Variants in MYO10 observed in about 807,000 individuals in gnomAD.
MYO10 encodes unconventional myosin-X.
A neutral mutation model predicts 257.3 loss-of-function variants in MYO10; 133 were observed. The ratio of observed to expected loss-of-function variants is 0.52; its 90% CI spans 0.45 to 0.60. MYO10 has a LOEUF of 0.60. Among genes scored for constraint, MYO10 ranks in the 20% least tolerant of loss-of-function variants. The pLI is 0.00. For missense variants in MYO10, 2,399 were observed against 2,635.7 expected (o/e 0.91, Z 1.97); for synonymous variants, 1,104 against 1,028.6 (o/e 1.07, Z -1.40).
intron 19 of MYO10, among the ~76,000 whole-genome samples, chr5:16,712,559 C>T (rs1738670286): frequency 6.6e-6 from 1 of 152,192 alleles, no homozygotes; most frequent in South Asian, 2.1e-4. Context: ...TGCAAAGTGG[C>T]TTAATTTGTG....
rs1267824041 is a variant in MYO10, at chr5:16,676,089, G to C, written c.4608C>G (p.Thr1536=). ...GGAGCGGGGAGTGCAAGGGGTGATG[G>C]GTGTATCGAAGGATCGGGTTCCGCT... is the stretch of plus-strand genomic sequence containing the variant. ...IYKRNPILRY[T]HHPLHSPLLP... is the part of the protein sequence containing the mutation. The change falls in exon 34 of 41, where the codon ACC becomes ACG. Residue 1536 remains threonine (T), a synonymous_variant. Transcript: ENST00000513610. 3 of 1,613,394 alleles carry C rather than the reference G, an allele frequency of 1.9e-6. No homozygotes were observed. In the Admixed American group the frequency reaches 5.0e-5, roughly 27 times the overall value.
rs377418990 is a variant in MYO10, at chr5:16,831,881, A to G, written c.121-13714T>C. Among the ~76,000 whole-genome samples the G allele has an allele frequency of 1.2e-3, 183 of 152,300 alleles. 3 individuals carry two copies. In the Middle Eastern group the frequency reaches 0.014, roughly 11 times the overall value. On this transcript the variant is annotated intron_variant, in intron 2 of 40. Transcript: ENST00000513610. ...CCCCAATAACCTATGGAAATAAAAA[A>G]ATTTATATATATCAGAACTCCAATA...
In MYO10 at chr5:16,856,098, G is replaced by A. The variant is rs74610531; in HGVS notation, c.120+21511C>T. ...TATTGTTTTCTGTGAGATTGCACAC[G>A]CCTGCATTCAAGTCTTCATCTAGGA... On this transcript the variant is annotated intron_variant, in intron 2 of 40. Coordinates refer to ENST00000513610, the MANE Select transcript of MYO10 (RefSeq NM_012334.3). Among the ~76,000 whole-genome samples, 1,161 of 152,266 alleles carry A rather than the reference G, an allele frequency of 7.6e-3. 18 individuals carry two copies. The highest frequency in any genetic ancestry group is 0.026 in the African/African-American group (1,099 of 41,556).
At chr5:16,816,423 TTC>T (rs902906600) in intron 3 of MYO10, among the ~76,000 whole-genome samples, 1 of 151,684 alleles carries the variant, frequency 6.6e-6, no homozygotes, top group Non-Finnish European at 1.5e-5. Flanking sequence ...ATATAATTCT[TTC>T]TCTTTCCCAG....
intron 4 of MYO10, among the ~76,000 whole-genome samples, chr5:16,788,519 A>AG (rs1355405101): frequency 2.6e-5 from 4 of 152,146 alleles, no homozygotes; most frequent in Non-Finnish European, 5.9e-5. Flanking sequence ...AGGAGGCACA[A>AG]GAGGAGGGAC....
chr5:16,719,198 C>G (rs1393976084), intron 19 of MYO10, among the ~76,000 whole-genome samples: 1 of 152,224 alleles, frequency 6.6e-6, no homozygotes, highest in African/African-American at 2.4e-5. Context: ...AAGGAAGAAA[C>G]TCCGAACACA....
intron 21 of MYO10, among the ~76,000 whole-genome samples, chr5:16,707,877 G>A (rs938075693): frequency 2.0e-5 from 3 of 152,224 alleles, no homozygotes; most frequent in Non-Finnish European, 4.4e-5. Flanking sequence ...AAGTCAGCCA[G>A]TTCAGACCTG....
Position 16,777,839 on chromosome 5 carries a change from C to CTTTTTTTTTTTTTTTTTT in MYO10, c.930+1688_930+1705dup, listed in dbSNP as rs61326508. Among the ~76,000 whole-genome samples, 6 of 88,474 alleles carry CTTTTTTTTTTTTTTTTTT rather than the reference C, an allele frequency of 6.8e-5. 1 individual carries two copies. The highest frequency in any genetic ancestry group is 2.7e-4 in the African/African-American group (5 of 18,648). The allele number at this position is 88,474 out of a possible 152,430, so 58.0% of individuals were successfully genotyped here. A position where few individuals can be genotyped will look rare whatever the true frequency, so the allele number is the denominator to read the frequency against. On this transcript the variant is annotated intron_variant, in intron 9 of 40. Transcript: ENST00000513610. ...GCCACCCTAGGTGCATTGCATCTAACTTTTTTTTTTTTTTTTTTTTTTTTT... is the reference window on the plus strand; with the variant it reads ...GCCACCCTAGGTGCATTGCATCTAACTTTTTTTTTTTTTTTTTTTTTTTTTTTTTTTTTTTTTTTTTTT...
At chr5:16,918,790 C>T (rs1368434211) in intron 1 of MYO10, among the ~76,000 whole-genome samples, 1 of 152,054 alleles carries the variant, frequency 6.6e-6, no homozygotes. Flanking sequence ...CGTGAGCCAC[C>T]GCGCCTGGCC....
chr5:16,739,890 G>A (rs1404737200), intron 19 of MYO10, among the ~76,000 whole-genome samples: 2 of 152,124 alleles, frequency 1.3e-5, no homozygotes, highest in African/African-American at 4.8e-5. Context: ...TTTATATTGA[G>A]GAGGGGTGAA....
intron 1 of MYO10, among the ~76,000 whole-genome samples, chr5:16,900,926 G>C (rs1745360651): frequency 6.6e-6 from 1 of 152,058 alleles, no homozygotes; most frequent in Non-Finnish European, 1.5e-5. Context: ...TTTTAGTAGA[G>C]ACGAAGTTTC....
intron 1 of MYO10, among the ~76,000 whole-genome samples, chr5:16,925,708 G>A (rs1490805292): frequency 6.6e-6 from 1 of 152,114 alleles, no homozygotes; most frequent in Admixed American, 6.5e-5. Context: ...CACCGTGTCC[G>A]GCCTCAGTTT....
At chr5:16,762,261 T>C (rs986806019) in intron 15 of MYO10, 148 bp from the exon 16 acceptor site, 6 of 1,056,988 alleles carry the variant, frequency 5.7e-6, no homozygotes, top group Admixed American at 3.2e-5. Context: ...ACACGGCATA[T>C]GGTGCACTTT....
intron 1 of MYO10, among the ~76,000 whole-genome samples, chr5:16,919,991 G>A (rs1315210058): frequency 6.6e-6 from 1 of 152,132 alleles, no homozygotes; most frequent in Non-Finnish European, 1.5e-5. Context: ...CATGCCTGTA[G>A]TCCCAGCTAC....
chr5:16,774,901 C>T (rs1741170572), intron 9 of MYO10, among the ~76,000 whole-genome samples: 1 of 152,152 alleles, frequency 6.6e-6, no homozygotes, highest in South Asian at 2.1e-4. Flanking sequence ...AATGAATTCA[C>T]GCATGCGTAC....
chr5:16,915,794 A>G (rs1175353642), intron 1 of MYO10, among the ~76,000 whole-genome samples: 1 of 152,110 alleles, frequency 6.6e-6, no homozygotes, highest in African/African-American at 2.4e-5. Context: ...AGTCTCCAAT[A>G]AAAATATAAA....
At chr5:16,752,419 A>T (rs1740402503) in intron 19 of MYO10, among the ~76,000 whole-genome samples, 1 of 152,126 alleles carries the variant, frequency 6.6e-6, no homozygotes, top group South Asian at 2.1e-4. Context: ...AGTAGCTGGG[A>T]CTACAGACGT....
In MYO10 at chr5:16,701,664, G is replaced by A. The variant is rs746412522; in HGVS notation, c.2731C>T (p.Leu911=). Residue 911 remains leucine (L), a synonymous_variant, in exon 25 of 41, where the codon CTG becomes TTG. Coordinates refer to ENST00000513610, the MANE Select transcript of MYO10 (RefSeq NM_012334.3). This position sits in a 1 kb window ranked among gnomAD's most constrained non-coding sequence, Gnocchi z 8.1. The part of the protein sequence containing the change: ...QRMKEQQELS[L]TEASLQKLQE... ...AGCTTCTGCAGGGAAGCCTCGGTCA[G>A]CGACAGCTCCTGCTGCTCCTTCATG... is the stretch of plus-strand genomic sequence containing the variant. 1.2e-6 allele frequency: 2 copies of A among 1,613,882 alleles called. No homozygotes were observed. Among genetic ancestry groups the A allele is most frequent in the South Asian group, 2.2e-5 (2 of 91,066 alleles).
At chr5:16,804,184 CGTCTCCTT>C (rs1395275166) in intron 3 of MYO10, among the ~76,000 whole-genome samples, 4 of 152,310 alleles carry the variant, frequency 2.6e-5, no homozygotes, top group East Asian at 3.9e-4. Flanking sequence ...CCATGGCTGA[CGTCTCCTT>C]GTCCCGTGTG....
Sources: allele counts gnomAD v4.1 joint callset (sites outside exome capture counted in the v4.1 genomes callset), GRCh38; gene constraint gnomAD v4.1.1; non-coding constraint Gnocchi (gnomAD v3.1); transcripts MANE v1.5; gene names NCBI Gene and HGNC (gene_info 2026-07-23, HGNC 2026-07-21).